ADAMTS5: variants seen among roughly 807,000 people sequenced by gnomAD.
ADAMTS5 encodes ADAM metallopeptidase with thrombospondin type 1 motif 5.
In ADAMTS5, 54 loss-of-function variants were observed where a neutral mutation model predicts 81.4. That is an observed-to-expected ratio of 0.66 (90% confidence interval 0.53 to 0.83). The LOEUF is 0.83. ADAMTS5 is among the 40% of genes least tolerant of loss of function. The probability of loss-of-function intolerance (pLI) is 0.00; values close to 1 mark genes in which losing one functional copy is unlikely to be tolerated. For missense variants in ADAMTS5, 1,194 were observed against 1,229.9 expected (o/e 0.97, Z 0.44); for synonymous variants, 532 against 508.8 (o/e 1.05, Z -0.61).
At position 26,965,598 on chromosome 21, in the gene ADAMTS5, C is replaced by T. The variant is rs1030247933; in HGVS notation, c.794G>A (p.Arg265Gln). The T allele has an allele frequency of 3.7e-6, 6 of 1,603,108 alleles. No homozygotes were observed. In the African/African-American group the frequency reaches 4.0e-5, roughly 11 times the overall value. The change falls in exon 1 of 8, where the codon CGG (arginine) becomes CAG (glutamine). Residue 265 changes from arginine to glutamine, a missense_variant. This residue lies in a region of ADAMTS5 where 498 missense variants were observed against 412.3 expected (regional missense o/e 1.21). Transcript: ENST00000284987. ...WWRRRRRSISRARQVELLLVA... is the reference protein window; with the variant it reads ...WWRRRRRSISQARQVELLLVA... ...CAGAAGCAGCTCCACCTGGCGGGCC[C>T]GGGAGATGGAGCGGCGCCGCCGCCG...
In ADAMTS5 at chr21:26,945,439, T is replaced by C. The variant is rs569100558; in HGVS notation, c.1238-1892A>G. On this transcript the variant is annotated intron_variant, in intron 2 of 7. Transcript: ENST00000284987. Reference sequence around the variant, plus strand: ...CATTCTACTTCATAGGATATTTATATTTATTTAATGAAGTAATGGCCTTTT... The same window carrying C: ...CATTCTACTTCATAGGATATTTATACTTATTTAATGAAGTAATGGCCTTTT... Among the ~76,000 whole-genome samples, 18 of 152,344 alleles carry C rather than the reference T, an allele frequency of 1.2e-4. No individual in the cohort carries two copies. The South Asian group carries it at 3.7e-3, about 32-fold the overall frequency.
intron 7 of ADAMTS5, 140 bp from the exon 8 acceptor site, chr21:26,924,760 A>G: frequency 2.8e-6 from 2 of 714,072 alleles, no homozygotes; most frequent in Non-Finnish European, 4.5e-6. Flanking sequence ...TTAATGGATT[A>G]GTTTAAAATT....
At chr21:26,931,320 C>T (rs984213802) in intron 6 of ADAMTS5, among the ~76,000 whole-genome samples, 3 of 152,252 alleles carry the variant, frequency 2.0e-5, no homozygotes, top group Non-Finnish European at 2.9e-5. Flanking sequence ...GCTGGGATTA[C>T]GGGTGTGAGC....
At chr21:26,956,829 T>G (rs1987436434) in intron 1 of ADAMTS5, among the ~76,000 whole-genome samples, 1 of 152,358 alleles carries the variant, frequency 6.6e-6, no homozygotes, top group African/African-American at 2.4e-5. Flanking sequence ...AACTAGATTC[T>G]TAATATCTCT....
chr21:26,935,687 C>T (rs969673619), intron 3 of ADAMTS5, among the ~76,000 whole-genome samples: 1 of 152,090 alleles, frequency 6.6e-6, no homozygotes, highest in East Asian at 1.9e-4. Context: ...GGAACATGGA[C>T]GATGAGAATC....
chr21:26,930,924 T>G (rs1986895972), intron 6 of ADAMTS5, among the ~76,000 whole-genome samples: 1 of 152,218 alleles, frequency 6.6e-6, no homozygotes, highest in Non-Finnish European at 1.5e-5. Context: ...TTTTTACTTC[T>G]GTGTAATATT....
Position 26,943,534 on chromosome 21 carries a change from G to A in ADAMTS5, c.1251C>T (p.Gly417=). ...AGAATTTGGAATCGTCATGGGAGAG[G>A]CCAAGTAAATGTCCTAAGGGAGACA... is the stretch of plus-strand genomic sequence containing the variant. ...TVAHEIGHLL[G]LSHDDSKFCE... Residue 417 remains glycine (G), a synonymous_variant, in exon 3 of 8, where the codon GGC becomes GGT. Transcript: ENST00000284987. 1.2e-6 allele frequency: 2 copies of A among 1,613,158 alleles called. No homozygotes were observed. Among genetic ancestry groups the A allele is most frequent in the Non-Finnish European group, 1.7e-6 (2 of 1,179,402 alleles).
intron 2 of ADAMTS5, among the ~76,000 whole-genome samples, chr21:26,946,897 G>A (rs1307309287): frequency 6.6e-6 from 1 of 152,092 alleles, no homozygotes; most frequent in Non-Finnish European, 1.5e-5. Context: ...CTTTTTTGGA[G>A]AGTCAGAGTG....
intron 3 of ADAMTS5, among the ~76,000 whole-genome samples, chr21:26,935,876 T>G (rs974491780): frequency 2.0e-5 from 3 of 152,220 alleles, no homozygotes; most frequent in African/African-American, 7.2e-5. Context: ...ACACAATTAT[T>G]ATAATAGCAA....
intron 2 of ADAMTS5, among the ~76,000 whole-genome samples, chr21:26,954,312 A>G (rs1018802570): frequency 3.9e-5 from 6 of 152,146 alleles, no homozygotes; most frequent in Non-Finnish European, 8.8e-5. Flanking sequence ...AGGAGCCTAC[A>G]ATTATCACTG....
chr21:26,959,499 T>G (rs2123206009), intron 1 of ADAMTS5, among the ~76,000 whole-genome samples: 2 of 152,310 alleles, frequency 1.3e-5, no homozygotes, highest in East Asian at 3.9e-4. Flanking sequence ...CACCATGGTT[T>G]TGTTAAGTCA....
Position 26,924,343 on chromosome 21 carries a change from G to GA in ADAMTS5, c.2502dup (p.Leu835SerfsTer7), listed in dbSNP as rs1568837008. ...AATGGTTTAGTGGGGTCTGTTGCAA[G>GA]AATCTGCACTATTAGAATTTCCTTC... On this transcript the variant is annotated frameshift_variant, in exon 8 of 8. Coordinates refer to ENST00000284987, the MANE Select transcript of ADAMTS5 (RefSeq NM_007038.5). LOFTEE classifies it high-confidence loss of function. 1 of 1,614,192 alleles carries GA rather than the reference G, an allele frequency of 6.2e-7. No individual in the cohort carries two copies. The highest frequency in any genetic ancestry group is 8.5e-7 in the Non-Finnish European group (1 of 1,180,026).
intron 1 of ADAMTS5, among the ~76,000 whole-genome samples, chr21:26,962,439 A>G (rs1446376995): frequency 6.6e-6 from 1 of 152,254 alleles, no homozygotes; most frequent in Non-Finnish European, 1.5e-5. Flanking sequence ...TAATTAGAAT[A>G]GTACTGGAGT....
At position 26,919,469 on chromosome 21, in the gene ADAMTS5, A is replaced by G. The variant is rs1393034382; in HGVS notation, c.*4584T>C. ...ACTGGGCTAACTAATGTGTATGTTA[A>G]TGTCTTTTTTTTTTCAAAACCAACA... is the stretch of plus-strand genomic sequence containing the variant. On this transcript the variant is annotated 3_prime_UTR_variant, in exon 8 of 8. Coordinates refer to ENST00000284987, the MANE Select transcript of ADAMTS5 (RefSeq NM_007038.5). 1.7e-5 allele frequency: 2 copies of G among 119,768 alleles called. No homozygotes were observed. Among genetic ancestry groups the G allele is most frequent in the Non-Finnish European group, 4.1e-5 (2 of 49,372 alleles). The allele number at this position is 119,768 out of a possible 1,614,324, so 7.4% of individuals were successfully genotyped here.
chr21:26,953,347 C>T (rs910982164), intron 2 of ADAMTS5, among the ~76,000 whole-genome samples: 5 of 152,140 alleles, frequency 3.3e-5, no homozygotes, highest in African/African-American at 1.2e-4. Context: ...TAATTATTTA[C>T]GTTTAGGTTT....
chr21:26,930,022 C>T lies in ADAMTS5; in HGVS notation c.2089G>A (p.Val697Ile), dbSNP rs377246186. 1.1e-5 allele frequency: 17 copies of T among 1,613,820 alleles called. No homozygotes were observed. Among genetic ancestry groups the T allele is most frequent in the Middle Eastern group, 1.6e-4 (1 of 6,084 alleles). ...CTCACACACTTCCCCCGGACGCAGA[C>T]GGAATTACTGTACAGCCTACATTCA... ...GTECRLYSNS[V>I]CVRGKCVRTG... is the part of the protein sequence containing the mutation. The change falls in exon 7 of 8, where the codon GTC becomes ATC. Residue 697 changes from valine to isoleucine, a missense_variant. By Grantham distance (29) the Val-to-Ile change is conservative. Around this residue, in one of 2 missense-constraint regions of ADAMTS5, gnomAD observed 696 missense variants for 817.6 expected, o/e 0.85. Coordinates refer to ENST00000284987, the MANE Select transcript of ADAMTS5 (RefSeq NM_007038.5).
rs150084289 is a variant in ADAMTS5 at position 26,956,142 on chromosome 21, C to T, written c.1105-1271G>A. ...CAACCAGTACAAGGCAGTGTGACTA[C>T]ATAACCAGTGCTACATACTCAATGG... On this transcript the variant is annotated intron_variant, in intron 1 of 7. Coordinates refer to ENST00000284987, the MANE Select transcript of ADAMTS5 (RefSeq NM_007038.5). Among the ~76,000 whole-genome samples, 4 of 152,324 alleles carry T rather than the reference C, an allele frequency of 2.6e-5. No individual in the cohort carries two copies. The East Asian group carries it at 5.8e-4, about 22-fold the overall frequency.
intron 1 of ADAMTS5, among the ~76,000 whole-genome samples, chr21:26,959,780 TGTAAGTCACTGTA>T (rs1208976461): frequency 6.6e-6 from 1 of 152,206 alleles, no homozygotes; most frequent in African/African-American, 2.4e-5. Context: ...AATTAGCCAC[TGTAAGTCACTGTA>T]GTTGTCCTCT....
rs374595401 is a variant in ADAMTS5, at chr21:26,934,753, C to T, written c.1406-4G>A. Reference sequence around the variant, plus strand: ...GGTAGGTCCAGCAAACAGTTACCTACAAGAATAACTGAGATTGACCACGGC... The same window carrying T: ...GGTAGGTCCAGCAAACAGTTACCTATAAGAATAACTGAGATTGACCACGGC... On this transcript the variant is annotated splice_region_variant and splice_polypyrimidine_tract_variant and intron_variant, in intron 3 of 7. Coordinates refer to ENST00000284987, the MANE Select transcript of ADAMTS5 (RefSeq NM_007038.5). 6.2e-6 allele frequency: 10 copies of T among 1,613,150 alleles called. No homozygotes were observed. The highest frequency in any genetic ancestry group is 5.3e-5 in the African/African-American group (4 of 74,872).
Sources: gnomAD v4.1 joint callset for allele counts (sites outside exome capture counted in the v4.1 genomes callset) on GRCh38, gnomAD v4.1.1 for gene constraint, gnomAD v4.1.1 regional missense constraint, MANE v1.5 for transcripts, NCBI Gene and HGNC (gene_info 2026-07-23, HGNC 2026-07-21) for gene names.